The following SRGAP3 variants were observed in gnomAD, a reference collection of about 807,000 sequenced individuals.
The protein encoded by SRGAP3 is SLIT-ROBO Rho GTPase activating protein 3.
In SRGAP3, 39 loss-of-function variants were observed where a neutral mutation model predicts 121.1. That is an observed-to-expected ratio of 0.32 (90% CI 0.25 to 0.42). The LOEUF is 0.42. SRGAP3 is among the 10% of genes least tolerant of loss of function. The pLI is 1.00. For synonymous variants in SRGAP3, 601 were observed against 570.0 expected, an observed-to-expected ratio of 1.05 and a Z score of -0.77; for missense variants, 1,213 against 1,470.6, an observed-to-expected ratio of 0.82 and a Z score of 2.86.
chr3:9,104,889 C>T (rs1417541924), intron 2 of SRGAP3, 47 bp from the exon 3 acceptor site: 1 of 1,612,314 alleles, frequency 6.2e-7, no homozygotes, highest in South Asian at 1.1e-5. Flanking sequence ...GAACTGTCAT[C>T]CAACAGTGGT....
intron 1 of SRGAP3, chr3:9,349,677 G>A (rs1406574587): frequency 1.3e-5 from 2 of 153,436 alleles, no homozygotes; most frequent in African/African-American, 4.8e-5. Context: ...GATCAATCCT[G>A]AATTTAGTTT....
intron 3 of SRGAP3, among the ~76,000 whole-genome samples, chr3:9,087,080 GTATATGTGTATA>G (rs906866423): frequency 9.2e-5 from 14 of 151,790 alleles, no homozygotes; most frequent in African/African-American, 3.4e-4. Flanking sequence ...CACATTATAT[GTATATGTGTATA>G]TATGTGTGTA....
chr3:9,325,958 A>C (rs1236896141), intron 3 of SRGAP3: 2 of 151,948 alleles, frequency 1.3e-5, no homozygotes, highest in Non-Finnish European at 2.9e-5. Context: ...AAAGCTGTTC[A>C]CAACAAGGAT....
At chr3:9,254,365 T>C (rs760581604), upstream of SRGAP3, among the ~76,000 whole-genome samples, 6 of 152,242 alleles carry the variant, frequency 3.9e-5, no homozygotes, top group South Asian at 4.1e-4. Flanking sequence ...TCCATTTATA[T>C]GAAATATCCA....
intron 1 of SRGAP3, among the ~76,000 whole-genome samples, chr3:9,223,517 A>C (rs891206785): frequency 2.6e-5 from 4 of 152,232 alleles, no homozygotes; most frequent in Non-Finnish European, 5.9e-5. Flanking sequence ...TGCTCAGCAC[A>C]CATCTTGAGG....
chr3:9,033,042 C>G (rs1009714273), intron 11 of SRGAP3, among the ~76,000 whole-genome samples: 25 of 152,164 alleles, frequency 1.6e-4, no homozygotes, highest in African/African-American at 5.3e-4. Context: ...AAACTCCAAT[C>G]AGAGGCTGTC....
chr3:8,987,465 G>A (rs1314457892), intron 21 of SRGAP3, among the ~76,000 whole-genome samples: 2 of 152,224 alleles, frequency 1.3e-5, no homozygotes, highest in African/African-American at 4.8e-5. Flanking sequence ...CAGATGGTGG[G>A]GTTGGAGCCT....
intron 1 of SRGAP3, among the ~76,000 whole-genome samples, chr3:9,224,767 C>A (rs1952930275): frequency 6.6e-6 from 1 of 152,180 alleles, no homozygotes; most frequent in Non-Finnish European, 1.5e-5. Context: ...TAACTCAGAA[C>A]AGCAGGGCAT....
chr3:9,081,306 T>C, intron 3 of SRGAP3: 1 of 456,556 alleles, frequency 2.2e-6, no homozygotes. Context: ...AAGATGTCTC[T>C]TCCAATGAGG....
intron 1 of SRGAP3, among the ~76,000 whole-genome samples, chr3:9,161,238 T>C (rs1230317259): frequency 6.6e-6 from 1 of 152,260 alleles, no homozygotes; most frequent in African/African-American, 2.4e-5. Context: ...CTTAATCAAC[T>C]GATAAATGTC....
At chr3:9,066,136 C>A (rs749497196) in intron 4 of SRGAP3, among the ~76,000 whole-genome samples, 1 of 152,180 alleles carries the variant, frequency 6.6e-6, no homozygotes, top group Admixed American at 6.5e-5. Context: ...ATTTTCTGAG[C>A]AGGCATACTT....
rs181352912 is a variant in SRGAP3, at chr3:9,324,754, G to A, written n.442+1256C>T. Among the ~76,000 whole-genome samples the A allele has an allele frequency of 1.5e-4, 23 of 151,772 alleles. No homozygotes were observed. In the East Asian group the frequency reaches 2.3e-3, roughly 15 times the overall value. ...GGGCAGATCACGAGGTCAGGAGATC[G>A]AGACCATCCTGGCTAACACGGTGAA... On this transcript the variant is annotated intron_variant and non_coding_transcript_variant, in intron 3 of 3. Transcript: ENST00000490889.
At chr3:9,330,440 A>G (rs2648555) in intron 2 of SRGAP3, 123,483 of 153,102 alleles carry the variant, frequency 0.81, 50,552 homozygotes, top group African/African-American at 0.95. Flanking sequence ...ACAAATCCGT[A>G]GAGCTCCAAA....
chr3:9,226,946 T>C (rs1022478466), intron 1 of SRGAP3, among the ~76,000 whole-genome samples: 1 of 152,124 alleles, frequency 6.6e-6, no homozygotes, highest in African/African-American at 2.4e-5. Context: ...GGAAATGATA[T>C]TTATGGAGGA....
chr3:9,061,466 G>A (rs1437411286), intron 5 of SRGAP3, among the ~76,000 whole-genome samples: 2 of 152,140 alleles, frequency 1.3e-5, no homozygotes, highest in East Asian at 3.9e-4. Context: ...AAGGTCTCAA[G>A]GCCAGATTGG....
intron 20 of SRGAP3, among the ~76,000 whole-genome samples, chr3:8,991,747 G>C (rs1229638040): frequency 2.0e-5 from 3 of 152,200 alleles, no homozygotes; most frequent in Admixed American, 2.0e-4. Context: ...GGGAGAGGGA[G>C]AGGGACCGTG....
At chr3:9,243,924 C>T (rs1402657197) in intron 1 of SRGAP3, among the ~76,000 whole-genome samples, 3 of 152,188 alleles carry the variant, frequency 2.0e-5, no homozygotes, top group African/African-American at 4.8e-5. Flanking sequence ...TCCAGATTCC[C>T]TTGAAACACT....
Position 9,069,460 on chromosome 3 carries a change from C to T in SRGAP3, c.487-4879G>A, listed in dbSNP as rs190022161. ...AGGGCCCCTCAGAGGTACCCATCCA[C>T]TTGATGCCAGGGAAGGGATTCACTT... On this transcript the variant is annotated intron_variant, in intron 4 of 21. Transcript: ENST00000383836. 2.0e-3 allele frequency among the ~76,000 whole-genome samples: 298 copies of T among 152,286 alleles called. 1 individual carries two copies. The highest frequency in any genetic ancestry group is 2.8e-3 in the Non-Finnish European group (190 of 68,022).
At chr3:9,212,625 G>T (rs962280356) in intron 1 of SRGAP3, among the ~76,000 whole-genome samples, 1 of 152,170 alleles carries the variant, frequency 6.6e-6, no homozygotes, top group Non-Finnish European at 1.5e-5. Flanking sequence ...TAAGGCAGGA[G>T]AATCACTTGA....
Sources: gnomAD v4.1 joint callset for allele counts (sites outside exome capture counted in the v4.1 genomes callset) on GRCh38, gnomAD v4.1.1 for gene constraint, MANE v1.5 for transcripts, NCBI Gene and HGNC (gene_info 2026-07-23, HGNC 2026-07-21) for gene names.